Variants in F2 observed in about 807,000 individuals in gnomAD.
F2 encodes coagulation factor II, thrombin, also known as prothrombin.
A neutral mutation model predicts 81.9 loss-of-function variants in F2; 34 were observed. That is an observed-to-expected ratio of 0.42 (90% CI 0.32 to 0.55). The LOEUF is 0.55. Ranked by LOEUF, F2 falls within the 20% of genes least tolerant of loss-of-function variation. F2 has a pLI of 0.18. For missense variants in F2, 630 were observed against 833.4 expected, an observed-to-expected ratio of 0.76 and a Z score of 3.00; for synonymous variants, 296 against 326.4, an observed-to-expected ratio of 0.91 and a Z score of 1.01.
intron 9 of F2, among the ~76,000 whole-genome samples, 160 bp from the exon 10 acceptor site, chr11:46,727,836 A>T (rs1396772968): frequency 1.3e-5 from 2 of 152,146 alleles, no homozygotes; most frequent in East Asian, 3.9e-4. Context: ...CATCACACGG[A>T]GGCTCCAGGC....
At position 46,725,906 on chromosome 11, in the gene F2, A is replaced by G. The variant is rs2064868698; in HGVS notation, c.607A>G (p.Ser203Gly). Residue 203 changes from serine (S) to glycine (G), a missense_variant, in exon 7 of 14, where the codon AGT (serine) becomes GGT (glycine). Coordinates refer to ENST00000311907, the MANE Select transcript of F2 (RefSeq NM_000506.5). ...GATGACTCCACGCTCCGAAGGCTCC[A>G]GTGTGAATCTGTCACCTCCATTGGA... ...VAMTPRSEGSSVNLSPPLEQC... is the reference protein window; with the variant it reads ...VAMTPRSEGSGVNLSPPLEQC... The G allele has an allele frequency of 2.5e-6, 4 of 1,613,710 alleles. No individual in the cohort carries two copies. Among genetic ancestry groups the G allele is most frequent in the African/African-American group, 2.7e-5 (2 of 75,036 alleles).
rs551797059 is a variant in F2, at chr11:46,727,975, GCTTC to G, written c.1131-18_1131-15del. 132 of 1,600,444 alleles carry G rather than the reference GCTTC, an allele frequency of 8.2e-5. No individual in the cohort carries two copies. In the African/African-American group the frequency reaches 1.7e-3, roughly 21 times the overall value. On this transcript the variant is annotated splice_polypyrimidine_tract_variant and intron_variant, in intron 9 of 13. Coordinates refer to ENST00000311907, the MANE Select transcript of F2 (RefSeq NM_000506.5). ...AGCCCCCTCATCCTCAGCTCCTAAT[GCTTC>G]CTGCTGCCCCTCCCAGGCAGGTGAT...
chr11:46,720,905 G>T, intron 4 of F2, 65 bp downstream of exon 4: 4 of 1,596,714 alleles, frequency 2.5e-6, no homozygotes, highest in East Asian at 2.2e-5. Context: ...GAGCTCAGGG[G>T]TGGGTTTGGA....
chr11:46,724,114 C>G (rs1296213093), intron 6 of F2, among the ~76,000 whole-genome samples: 6 of 152,188 alleles, frequency 3.9e-5, no homozygotes, highest in Non-Finnish European at 8.8e-5. Context: ...CCGGGAAGCC[C>G]TCCCTAGCCA....
At chr11:46,737,888 C>CAGGTGT (rs1305850321) in intron 12 of F2, among the ~76,000 whole-genome samples, 19 of 150,536 alleles carry the variant, frequency 1.3e-4, no homozygotes, top group Non-Finnish European at 2.5e-4. Flanking sequence ...GGCTGGAGTG[C>CAGGTGT]AGTGGCACAG....
At chr11:46,724,606 G>A (rs1196027045) in intron 6 of F2, among the ~76,000 whole-genome samples, 1 of 152,140 alleles carries the variant, frequency 6.6e-6, no homozygotes, top group Non-Finnish European at 1.5e-5. Flanking sequence ...CAAGGCCAGG[G>A]TCAAGAGGTA....
intron 12 of F2, among the ~76,000 whole-genome samples, chr11:46,736,728 G>T (rs3136498): frequency 6.6e-6 from 1 of 152,220 alleles, no homozygotes; most frequent in Non-Finnish European, 1.5e-5. Context: ...AGGCTTTAGC[G>T]TACATAGCTG....
chr11:46,739,351 A>AC lies in F2; in HGVS notation c.1813dup (p.His605ProfsTer14), dbSNP rs1383214868. On this transcript the variant is annotated frameshift_variant, in exon 14 of 14. Coordinates refer to ENST00000311907, the MANE Select transcript of F2 (RefSeq NM_000506.5). LOFTEE classifies it high-confidence loss of function. Reference sequence around the variant, plus strand: ...GGGATGGGAAATATGGCTTCTACACACATGTGTTCCGCCTGAAGAAGTGGA... The same window carrying AC: ...GGGATGGGAAATATGGCTTCTACACACCATGTGTTCCGCCTGAAGAAGTGGA... 6.2e-7 allele frequency: 1 copy of AC among 1,614,150 alleles called. No individual in the cohort carries two copies. Among genetic ancestry groups the AC allele is most frequent in the African/African-American group, 1.3e-5 (1 of 75,038 alleles).
At position 46,723,540 on chromosome 11, in the gene F2, G is replaced by C; in HGVS notation, c.559+22G>C. The C allele has an allele frequency of 6.3e-7, 1 of 1,598,030 alleles. No individual in the cohort carries two copies. The highest frequency in any genetic ancestry group is 8.5e-7 in the Non-Finnish European group (1 of 1,171,424). On this transcript the variant is annotated intron_variant, in intron 6 of 13. Transcript: ENST00000311907. This position sits in a 1 kb window ranked among gnomAD's most constrained non-coding sequence, Gnocchi z 5.6. ...TGTGGTAAGCTGGGGGCAGTGGGGC[G>C]GCCCATGGCCAAGGCCCGGGGGCTT...
At chr11:46,725,498 G>GAAC (rs1357085280) in intron 6 of F2, among the ~76,000 whole-genome samples, 2 of 152,132 alleles carry the variant, frequency 1.3e-5, no homozygotes, top group African/African-American at 4.8e-5. Context: ...CCATCCAGGT[G>GAAC]AACAGCCTAG....
chr11:46,719,411 C>G lies in F2; in HGVS notation c.79+97C>G. 1 of 1,409,438 alleles carries G rather than the reference C, an allele frequency of 7.1e-7. No individual in the cohort carries two copies. Among genetic ancestry groups the G allele is most frequent in the Non-Finnish European group, 9.8e-7 (1 of 1,020,180 alleles). The allele number at this position is 1,409,438 out of a possible 1,614,324, so 87.3% of individuals were successfully genotyped here. ...CTGGACAGAGCACACAGAGCTGGCC[C>G]CTAAGTAGGTCTCAGCCCCAGGCGG... On this transcript the variant is annotated intron_variant, in intron 1 of 13. Transcript: ENST00000311907. The surrounding 1 kb of genome is among the most constrained non-coding windows in gnomAD (Gnocchi z 4.7).
Position 46,726,584 on chromosome 11 carries a change from C to G in F2, c.961C>G (p.Gln321Glu). The change falls in exon 8 of 14, where the codon CAG becomes GAG. Residue 321 changes from glutamine (Q) to glutamate (E), a missense_variant. Transcript: ENST00000311907. This position sits in a 1 kb window ranked among gnomAD's most constrained non-coding sequence, Gnocchi z 5.9. ...IEGRTATSEY[Q>E]TFFNPRTFGS... ...AGGGCGTACCGCCACCAGTGAGTAC[C>G]AGACTTTCTTCAATCCGAGGACCTT... 1 of 1,614,160 alleles carries G rather than the reference C, an allele frequency of 6.2e-7. No individual in the cohort carries two copies. Among genetic ancestry groups the G allele is most frequent in the Non-Finnish European group, 8.5e-7 (1 of 1,180,008 alleles).
chr11:46,723,165 G>A lies in F2; in HGVS notation c.317-15G>A, dbSNP rs546808044. ...TCCCCAGGCTCCAAGGCTGACCGGG[G>A]TGGGGTCTCCGCAGGTAACTGTGCT... On this transcript the variant is annotated splice_polypyrimidine_tract_variant and intron_variant, in intron 4 of 13. Transcript: ENST00000311907. This position sits in a 1 kb window ranked among gnomAD's most constrained non-coding sequence, Gnocchi z 5.6. 9.3e-6 allele frequency: 15 copies of A among 1,612,238 alleles called. No individual in the cohort carries two copies. In the South Asian group the frequency reaches 1.3e-4, roughly 14 times the overall value.
In F2 at chr11:46,719,938, C is replaced by T. The variant is rs894273773; in HGVS notation, c.240+76C>T. The T allele has an allele frequency of 8.6e-6, 13 of 1,517,970 alleles. No individual in the cohort carries two copies. Among genetic ancestry groups the T allele is most frequent in the East Asian group, 2.4e-5 (1 of 40,828 alleles). The allele number at this position is 1,517,970 out of a possible 1,614,324, so 94.0% of individuals were successfully genotyped here. ...CTAGACACTTCCACAGAGAAGCAAG[C>T]GAGGAACGCCACAGCCCCTTCGCTG... On this transcript the variant is annotated intron_variant, in intron 2 of 13. Coordinates refer to ENST00000311907, the MANE Select transcript of F2 (RefSeq NM_000506.5). This position sits in a 1 kb window ranked among gnomAD's most constrained non-coding sequence, Gnocchi z 4.7.
intron 12 of F2, among the ~76,000 whole-genome samples, chr11:46,736,720 G>C (rs975267753): frequency 2.0e-5 from 3 of 152,204 alleles, no homozygotes; most frequent in Non-Finnish European, 4.4e-5. Flanking sequence ...AATGATAGAG[G>C]CTTTAGCGTA....
At chr11:46,733,068 G>T (rs1244840539) in intron 12 of F2, among the ~76,000 whole-genome samples, 1 of 152,052 alleles carries the variant, frequency 6.6e-6, no homozygotes, top group East Asian at 1.9e-4. Context: ...AAAACCATGA[G>T]TTCCTACTGA....
At chr11:46,730,452 C>T (rs574532921) in intron 12 of F2, among the ~76,000 whole-genome samples, 2 of 151,378 alleles carry the variant, frequency 1.3e-5, no homozygotes, top group South Asian at 4.2e-4. Flanking sequence ...GCATGGCAGG[C>T]ACTAAGGCCC....
chr11:46,738,915 G>C (rs1307453028), intron 12 of F2, 133 bp from the exon 13 acceptor site: 2 of 861,694 alleles, frequency 2.3e-6, no homozygotes, highest in African/African-American at 3.3e-5. Flanking sequence ...AGGATTGGAT[G>C]GGTAGGGTGA....
At chr11:46,725,388 C>A (rs1286505968) in intron 6 of F2, among the ~76,000 whole-genome samples, 1 of 152,020 alleles carries the variant, frequency 6.6e-6, no homozygotes, top group African/African-American at 2.4e-5. Flanking sequence ...GGTCTTATAG[C>A]AAGTTTATCC....
Sources: allele counts gnomAD v4.1 joint callset (sites outside exome capture counted in the v4.1 genomes callset), GRCh38; gene constraint gnomAD v4.1.1; non-coding constraint Gnocchi (gnomAD v3.1); transcripts MANE v1.5; gene names NCBI Gene and HGNC (gene_info 2026-07-23, HGNC 2026-07-21).